The following WWOX variants were observed in gnomAD, a reference collection of about 807,000 sequenced individuals.
WWOX encodes the protein WW domain containing oxidoreductase.
Under a neutral mutation model 46.2 loss-of-function variants are expected in WWOX, and 69 were observed. That is an observed-to-expected ratio of 1.49 (90% CI 1.23 to 1.82). WWOX has a LOEUF of 1.82. WWOX is among the 40% of genes most tolerant of loss of function. The pLI is 0.00. For missense variants in WWOX, 919 were observed against 542.6 expected (o/e 1.69, Z -6.89); for synonymous variants, 359 against 202.6 (o/e 1.77, Z -6.56).
chr16:78,672,577 G>T (rs965995086), intron 8 of WWOX, among the ~76,000 whole-genome samples: 1 of 152,214 alleles, frequency 6.6e-6, no homozygotes, highest in African/African-American at 2.4e-5. Context: ...TCTCCAAACT[G>T]TGCCTAAATT....
chr16:78,796,599 C>G (rs937612340), intron 8 of WWOX, among the ~76,000 whole-genome samples: 4 of 152,206 alleles, frequency 2.6e-5, no homozygotes, highest in African/African-American at 7.2e-5. Flanking sequence ...ATTGCATGGT[C>G]TTGTACAAAT....
intron 5 of WWOX, among the ~76,000 whole-genome samples, chr16:78,217,906 C>G (rs543436643): frequency 4.6e-5 from 7 of 152,304 alleles, no homozygotes; most frequent in Non-Finnish European, 8.8e-5. Flanking sequence ...ACTTCATGCC[C>G]TTGGCAACTC....
chr16:78,116,804 A>G (rs957484347), intron 4 of WWOX, among the ~76,000 whole-genome samples: 3 of 152,238 alleles, frequency 2.0e-5, no homozygotes, highest in Admixed American at 1.3e-4. Flanking sequence ...AACTTTAAAG[A>G]TCTTATTCTC....
chr16:78,331,661 A>T (rs188260301), intron 5 of WWOX, among the ~76,000 whole-genome samples: 2 of 152,314 alleles, frequency 1.3e-5, no homozygotes, highest in East Asian at 3.9e-4. Flanking sequence ...ATGGGTGATG[A>T]CTGTAAATGA....
At chr16:78,223,654 T>C (rs1160713478) in intron 5 of WWOX, among the ~76,000 whole-genome samples, 1 of 152,158 alleles carries the variant, frequency 6.6e-6, no homozygotes, top group Admixed American at 6.5e-5. Flanking sequence ...GGAGCCATCC[T>C]TTCAGTTTCC....
rs1460576570 is a variant in WWOX, at chr16:78,261,776, CTATCTATCTATCTATATATATA to C, written c.516+97491_516+97512del. ...TCTGTCTATCTATCTATCTATGTATCTATCTATCTATCTATATATATATATATATATATATATATATACTTAT... is the reference window on the plus strand; with the variant it reads ...TCTGTCTATCTATCTATCTATGTATCTATATATATATATATATATACTTAT... On this transcript the variant is annotated intron_variant, in intron 5 of 8. Coordinates refer to ENST00000566780, the MANE Select transcript of WWOX (RefSeq NM_016373.4). Among the ~76,000 whole-genome samples, 11 of 38,370 alleles carry C rather than the reference CTATCTATCTATCTATATATATA, an allele frequency of 2.9e-4. No homozygotes were observed. The East Asian group carries it at 4.5e-3, about 16-fold the overall frequency. The allele number at this position is 38,370 out of a possible 152,430, so 25.2% of individuals were successfully genotyped here.
intron 8 of WWOX, among the ~76,000 whole-genome samples, chr16:78,935,239 C>T (rs572613760): frequency 1.1e-4 from 17 of 152,296 alleles, no homozygotes; most frequent in African/African-American, 3.1e-4. Context: ...TTTGACCCAG[C>T]CATCCCATTA....
At chr16:79,204,093 A>G (rs2051429686) in intron 8 of WWOX, 1 of 152,016 alleles carries the variant, frequency 6.6e-6, no homozygotes, top group African/African-American at 2.4e-5. Context: ...GCAAATTTCT[A>G]TGGCACTTCT....
chr16:78,570,852 C>T lies in WWOX; in HGVS notation c.1056+138100C>T, dbSNP rs1254836433. ...CAGGGGAGAAGGCGGGCGGGGCAAG[C>T]TTTGGAAAGCACGGGCAGGTAAGGA... On this transcript the variant is annotated intron_variant, in intron 8 of 8. Transcript: ENST00000566780. Among the ~76,000 whole-genome samples the T allele has an allele frequency of 2.0e-5, 3 of 152,230 alleles. No individual in the cohort carries two copies. In the East Asian group the frequency reaches 5.8e-4, roughly 29 times the overall value.
At chr16:79,146,870 G>T (rs528452069) in intron 8 of WWOX, among the ~76,000 whole-genome samples, 3 of 152,106 alleles carry the variant, frequency 2.0e-5, no homozygotes, top group Non-Finnish European at 4.4e-5. Flanking sequence ...AGGCACCTTC[G>T]CTTGTACTTC....
intron 8 of WWOX, among the ~76,000 whole-genome samples, chr16:79,177,938 G>T (rs1264098588): frequency 1.3e-5 from 2 of 152,174 alleles, no homozygotes; most frequent in Non-Finnish European, 2.9e-5. Context: ...CAAGAGCAAA[G>T]CAACGGCAGA....
intron 8 of WWOX, among the ~76,000 whole-genome samples, chr16:78,701,203 G>T (rs1046872913): frequency 2.0e-5 from 3 of 152,148 alleles, no homozygotes; most frequent in African/African-American, 7.2e-5. Context: ...GGTATTTGCT[G>T]TGGTTATTTA....
intron 8 of WWOX, among the ~76,000 whole-genome samples, chr16:78,718,175 A>G (rs2048613103): frequency 7.0e-6 from 1 of 142,944 alleles, no homozygotes; most frequent in East Asian, 2.0e-4. Flanking sequence ...TGGCTGCCCA[A>G]GTTATTATTT....
intron 8 of WWOX, among the ~76,000 whole-genome samples, chr16:78,808,092 C>T (rs2051090121): frequency 6.6e-6 from 1 of 152,206 alleles, no homozygotes; most frequent in South Asian, 2.1e-4. Flanking sequence ...TGGAGACTCT[C>T]CTAGGGCCTA....
intron 5 of WWOX, among the ~76,000 whole-genome samples, chr16:78,318,017 C>A (rs1255334118): frequency 6.6e-6 from 1 of 152,120 alleles, no homozygotes; most frequent in South Asian, 2.1e-4. Context: ...AGTATTTGGA[C>A]CGCTGCCTGC....
At chr16:78,307,942 A>C (rs2080163620) in intron 5 of WWOX, among the ~76,000 whole-genome samples, 1 of 152,146 alleles carries the variant, frequency 6.6e-6, no homozygotes, top group Non-Finnish European at 1.5e-5. Flanking sequence ...TGCCATTCAC[A>C]CTTCAGAACC....
intron 8 of WWOX, among the ~76,000 whole-genome samples, chr16:78,886,560 G>A (rs2044462081): frequency 6.6e-6 from 1 of 150,796 alleles, no homozygotes; most frequent in Non-Finnish European, 1.5e-5. Flanking sequence ...CATCTAAACT[G>A]TTTTAAGACA....
chr16:79,068,594 A>G (rs36079234), intron 8 of WWOX, among the ~76,000 whole-genome samples: 1,702 of 151,994 alleles, frequency 0.011, 18 homozygotes, highest in Middle Eastern at 0.024. Context: ...ACTTGAGCCT[A>G]GGAGTTCGAG....
chr16:78,948,898 G>A (rs939807510), intron 8 of WWOX, among the ~76,000 whole-genome samples: 5 of 152,120 alleles, frequency 3.3e-5, no homozygotes, highest in African/African-American at 1.2e-4. Context: ...AGGGGAAGGT[G>A]GACAAGAGAA....
Sources: gnomAD v4.1 joint callset for allele counts (sites outside exome capture counted in the v4.1 genomes callset) on GRCh38, gnomAD v4.1.1 for gene constraint, MANE v1.5 for transcripts, NCBI Gene and HGNC (gene_info 2026-07-23, HGNC 2026-07-21) for gene names.